Variants in CCDC68 observed in about 807,000 individuals in gnomAD.
The protein encoded by CCDC68 is coiled-coil domain-containing protein 68.
CCDC68 carries 45 observed loss-of-function variants against 47.1 expected under a neutral mutation model. The observed-to-expected ratio is 0.96, with a 90% confidence interval of 0.75 to 1.23. The LOEUF is 1.23. Among genes scored for constraint, CCDC68 ranks in the 50% most tolerant of loss-of-function variants. The probability of loss-of-function intolerance (pLI) is 0.00; values close to 1 mark genes in which losing one functional copy is unlikely to be tolerated. For missense variants in CCDC68, 353 were observed against 373.6 expected, an observed-to-expected ratio of 0.94 and a Z score of 0.45; for synonymous variants, 131 against 129.5, an observed-to-expected ratio of 1.01 and a Z score of -0.08.
At chr18:54,909,106 G>T (rs1279340129) in intron 10 of CCDC68, among the ~76,000 whole-genome samples, 1 of 152,152 alleles carries the variant, frequency 6.6e-6, no homozygotes, top group Non-Finnish European at 1.5e-5. Context: ...GTTTCCTCCT[G>T]TCCAGAGCCA....
chr18:54,907,648 G>C, intron 11 of CCDC68, 138 bp downstream of exon 11: 1 of 605,236 alleles, frequency 1.7e-6, no homozygotes, highest in Non-Finnish European at 3.0e-6. Flanking sequence ...ACACAGTTCT[G>C]AATAGAAACT....
intron 11 of CCDC68, among the ~76,000 whole-genome samples, chr18:54,906,586 A>G (rs72926897): frequency 0.29 from 44,381 of 151,956 alleles, 6,572 homozygotes; most frequent in Middle Eastern, 0.45. Flanking sequence ...CACCATCCCA[A>G]TGGGAATGGT....
In CCDC68 at chr18:54,907,771, G is replaced by A. The variant is rs1944382; in HGVS notation, c.950+15C>T. On this transcript the variant is annotated intron_variant, in intron 11 of 11. Transcript: ENST00000591504. ...TAGGTTGTGAAGACAGGGTGGAAGAGGACAGAGACCTTACCTTGTAGAGAC... is the reference window on the plus strand; with the variant it reads ...TAGGTTGTGAAGACAGGGTGGAAGAAGACAGAGACCTTACCTTGTAGAGAC... The A allele has an allele frequency of 1, 1,464,542 of 1,469,868 alleles. 729,769 individuals are homozygous for A. The highest frequency in any genetic ancestry group is 1 in the East Asian group (44,136 of 44,136). The allele number at this position is 1,469,868 out of a possible 1,614,324, so 91.1% of individuals were successfully genotyped here.
chr18:54,937,139 C>T (rs2044363549), intron 5 of CCDC68, 181 bp from the exon 6 acceptor site: 1 of 606,436 alleles, frequency 1.6e-6, no homozygotes, highest in African/African-American at 1.9e-5. Context: ...TGAGAAACTC[C>T]CTATTTAGAG....
chr18:54,920,245 T>G (rs1340986206), intron 8 of CCDC68, among the ~76,000 whole-genome samples: 2 of 150,558 alleles, frequency 1.3e-5, no homozygotes, highest in Admixed American at 6.6e-5. Context: ...TCTTTTTTTT[T>G]TTTTTTTTGT....
Position 54,923,052 on chromosome 18 carries a change from G to A in CCDC68, c.684-3676C>T, listed in dbSNP as rs563962448. 2.0e-5 allele frequency among the ~76,000 whole-genome samples: 3 copies of A among 147,388 alleles called. No individual in the cohort carries two copies. The East Asian group carries it at 6.0e-4, about 29-fold the overall frequency. ...AGGGCAAACAGAAATTGGGTCCATA[G>A]CTGGTGCTAAAATTCAAAATTGCTC... On this transcript the variant is annotated intron_variant, in intron 8 of 11. Coordinates refer to ENST00000591504, the MANE Select transcript of CCDC68 (RefSeq NM_025214.3).
chr18:54,956,914 A>G (rs1420336445), intron 1 of CCDC68, among the ~76,000 whole-genome samples: 2 of 152,308 alleles, frequency 1.3e-5, no homozygotes, highest in East Asian at 3.9e-4. Context: ...TTATACCTCC[A>G]ATAAAGCTTT....
chr18:54,936,794 G>C, intron 6 of CCDC68, 39 bp downstream of exon 6: 1 of 1,612,454 alleles, frequency 6.2e-7, no homozygotes, highest in African/African-American at 1.3e-5. Flanking sequence ...GCTCAGGGTG[G>C]GGGCTAGTTC....
chr18:54,932,180 C>A (rs2044275366), intron 7 of CCDC68, among the ~76,000 whole-genome samples: 1 of 142,118 alleles, frequency 7.0e-6, no homozygotes, highest in South Asian at 2.3e-4. Context: ...TATTTTTAAA[C>A]CAATTTGGTT....
intron 1 of CCDC68, among the ~76,000 whole-genome samples, chr18:54,947,804 A>T (rs2044551191): frequency 6.6e-6 from 1 of 152,206 alleles, no homozygotes; most frequent in Non-Finnish European, 1.5e-5. Flanking sequence ...TTACTGGGCT[A>T]TGAAGGAAAA....
chr18:54,911,615 C>T (rs887511578), intron 10 of CCDC68, among the ~76,000 whole-genome samples: 4 of 152,102 alleles, frequency 2.6e-5, no homozygotes, highest in Non-Finnish European at 5.9e-5. Context: ...TTATACACTC[C>T]AAACAAGGGC....
At chr18:54,942,485 A>T (rs1404059289) in intron 3 of CCDC68, among the ~76,000 whole-genome samples, 190 bp downstream of exon 3, 1 of 152,190 alleles carries the variant, frequency 6.6e-6, no homozygotes, top group Non-Finnish European at 1.5e-5. Flanking sequence ...CAAGCATAGG[A>T]ACAGTTTCGT....
At chr18:54,956,135 G>T (rs1389376008) in intron 1 of CCDC68, among the ~76,000 whole-genome samples, 2 of 152,060 alleles carry the variant, frequency 1.3e-5, no homozygotes. Context: ...AATTACAGGC[G>T]CATGCCACCA....
At chr18:54,951,602 T>C (rs978779852) in intron 1 of CCDC68, among the ~76,000 whole-genome samples, 2 of 152,216 alleles carry the variant, frequency 1.3e-5, no homozygotes, top group Non-Finnish European at 2.9e-5. Flanking sequence ...CCACTTTGCC[T>C]CTGCTACATT....
At chr18:54,948,664 T>G (rs2044565088) in intron 1 of CCDC68, among the ~76,000 whole-genome samples, 2 of 152,184 alleles carry the variant, frequency 1.3e-5, no homozygotes, top group South Asian at 4.1e-4. Context: ...GGAACTGTGG[T>G]TACAGGGCTG....
chr18:54,949,511 G>A (rs765789682), intron 1 of CCDC68, among the ~76,000 whole-genome samples: 3 of 152,200 alleles, frequency 2.0e-5, no homozygotes, highest in Non-Finnish European at 4.4e-5. Flanking sequence ...GTCAGGTACT[G>A]CAAGGTGTAA....
chr18:54,940,898 C>T lies in CCDC68; in HGVS notation c.204+99G>A, dbSNP rs1322100951. 4 of 768,504 alleles carry T rather than the reference C, an allele frequency of 5.2e-6. No individual in the cohort carries two copies. In the South Asian group the frequency reaches 6.5e-5, roughly 13 times the overall value. The allele number at this position is 768,504 out of a possible 1,614,324, so 47.6% of individuals were successfully genotyped here. Reference sequence around the variant, plus strand: ...TTTAGATATGCATGAAATATTTCAACACTCATCCTTCGAATCTTCAAAGAA... The same window carrying T: ...TTTAGATATGCATGAAATATTTCAATACTCATCCTTCGAATCTTCAAAGAA... On this transcript the variant is annotated intron_variant, in intron 4 of 11. Transcript: ENST00000591504.
intron 10 of CCDC68, among the ~76,000 whole-genome samples, chr18:54,917,688 C>A (rs1422592802): frequency 6.6e-6 from 1 of 152,010 alleles, no homozygotes; most frequent in Non-Finnish European, 1.5e-5. Context: ...GAGACACATG[C>A]ACATACACTT....
intron 7 of CCDC68, among the ~76,000 whole-genome samples, chr18:54,930,636 TCCCTCCCTCCCTCCC>T (rs2044231136): frequency 2.3e-4 from 1 of 4,422 alleles, no homozygotes; most frequent in African/African-American, 6.4e-4. Flanking sequence ...CCTCCCTCCC[TCCCTCCCTCCCTCCC>T]TCCCTTCCTT....
Sources: allele counts gnomAD v4.1 joint callset (sites outside exome capture counted in the v4.1 genomes callset), GRCh38; gene constraint gnomAD v4.1.1; transcripts MANE v1.5; gene names NCBI Gene and HGNC (gene_info 2026-07-23, HGNC 2026-07-21).